The following GKAP1 variants were observed in gnomAD, a reference collection of about 807,000 sequenced individuals.
GKAP1 encodes G kinase-anchoring protein 1.
Under a neutral mutation model 56.7 loss-of-function variants are expected in GKAP1, and 31 were observed. The ratio of observed to expected loss-of-function variants is 0.55; its 90% confidence interval spans 0.41 to 0.74. The LOEUF (loss-of-function observed/expected upper bound fraction) is 0.74, where lower values mean the gene tolerates loss of function less well. Ranked by LOEUF, GKAP1 falls within the 30% of genes least tolerant of loss-of-function variation. The pLI is 0.00. For synonymous variants in GKAP1, 151 were observed against 138.6 expected, an observed-to-expected ratio of 1.09 and a Z score of -0.63; for missense variants, 364 against 402.3, an observed-to-expected ratio of 0.90 and a Z score of 0.82.
rs1944521983 is a variant in GKAP1, at chr9:83,812,334, T to C, written c.-44+4662A>G. On this transcript the variant is annotated intron_variant, in intron 2 of 12. Coordinates refer to ENST00000376371, the MANE Select transcript of GKAP1 (RefSeq NM_025211.4). ...ATATATATGTATATATACACACGTA[T>C]ATATATACACGTATATATATATATA... 4.1e-5 allele frequency among the ~76,000 whole-genome samples: 6 copies of C among 148,118 alleles called. No homozygotes were observed. The South Asian group carries it at 1.1e-3, about 26-fold the overall frequency.
chr9:83,745,652 G>A (rs1943280803), intron 10 of GKAP1, among the ~76,000 whole-genome samples: 1 of 152,080 alleles, frequency 6.6e-6, no homozygotes, highest in South Asian at 2.1e-4. Flanking sequence ...TCTGCACTTA[G>A]AAATATATCT....
At chr9:83,758,971 T>C (rs550374536) in intron 8 of GKAP1, among the ~76,000 whole-genome samples, 110 of 152,322 alleles carry the variant, frequency 7.2e-4, no homozygotes, top group African/African-American at 2.5e-3. Context: ...TTCTCTCCTT[T>C]ACACTTAATG....
intron 9 of GKAP1, chr9:83,748,775 C>T (rs1237911868): frequency 6.6e-6 from 1 of 152,652 alleles, no homozygotes; most frequent in Non-Finnish European, 1.5e-5. Flanking sequence ...TCTACATCTG[C>T]TCTGTATTTG....
chr9:83,796,136 T>TACA (rs1163475067), intron 4 of GKAP1, among the ~76,000 whole-genome samples: 1 of 152,154 alleles, frequency 6.6e-6, no homozygotes, highest in Non-Finnish European at 1.5e-5. Flanking sequence ...CTCACTATGT[T>TACA]GCCCAGGCCA....
intron 3 of GKAP1, among the ~76,000 whole-genome samples, chr9:83,802,928 T>C (rs142615976): frequency 6.6e-5 from 10 of 151,970 alleles, no homozygotes; most frequent in African/African-American, 2.4e-4. Flanking sequence ...AGCAACATGA[T>C]GAAACCCTGT....
In GKAP1 at chr9:83,806,482, G is replaced by A. The variant is rs750243459; in HGVS notation, c.36C>T (p.Thr12=). 8.7e-6 allele frequency: 14 copies of A among 1,613,930 alleles called. No individual in the cohort carries two copies. The highest frequency in any genetic ancestry group is 1.1e-5 in the South Asian group (1 of 91,068). ...CTTGTAACAGGGCAAAACGAGAAGC[G>A]GTGGTGGGAACAGAACTAAGTACTG... is the stretch of plus-strand genomic sequence containing the variant. The part of the protein sequence containing the change: ...ASAVLSSVPT[T]ASRFALLQVD... Residue 12 remains threonine, a synonymous_variant, in exon 3 of 13, where the codon ACC becomes ACT. Transcript: ENST00000376371.
intron 8 of GKAP1, among the ~76,000 whole-genome samples, chr9:83,753,880 C>T (rs367817763): frequency 1.3e-5 from 2 of 152,054 alleles, no homozygotes; most frequent in African/African-American, 4.8e-5. Context: ...TCGAAAATGA[C>T]ACAGAACAAA....
intron 8 of GKAP1, among the ~76,000 whole-genome samples, chr9:83,767,761 CA>C (rs1943688639): frequency 6.6e-6 from 1 of 152,198 alleles, no homozygotes; most frequent in Non-Finnish European, 1.5e-5. Context: ...CATCTTGGCT[CA>C]CTGCAACCCC....
chr9:83,748,428 G>T, intron 9 of GKAP1, 56 bp from the exon 10 acceptor site: 2 of 973,094 alleles, frequency 2.1e-6, no homozygotes, highest in South Asian at 1.5e-5. Context: ...TATAATTAAT[G>T]ATTTACTGTC....
intron 4 of GKAP1, among the ~76,000 whole-genome samples, chr9:83,789,946 CA>C (rs768421263): frequency 1.2e-4 from 18 of 152,160 alleles, no homozygotes; most frequent in Non-Finnish European, 2.4e-4. Context: ...CTAAGTTAAT[CA>C]TAATTGTTTC....
intron 2 of GKAP1, among the ~76,000 whole-genome samples, chr9:83,810,734 A>T (rs1311141140): frequency 1.3e-5 from 2 of 152,258 alleles, no homozygotes; most frequent in African/African-American, 4.8e-5. Context: ...TAAAGACTGA[A>T]TAAGTTAATA....
rs2131339461 is a variant in GKAP1, at chr9:83,817,607, T to C, written c.-266A>G. ...GCTCCCCGGGCGGCCGCACTGGGCG[T>C]TGGGACTGGTCTGGGTCAAGTGTCG... is the stretch of plus-strand genomic sequence containing the variant. On this transcript the variant is annotated 5_prime_UTR_variant, in exon 1 of 13. Transcript: ENST00000376371. 1 of 150,470 alleles carries C rather than the reference T, an allele frequency of 6.6e-6. No homozygotes were observed. Among genetic ancestry groups the C allele is most frequent in the African/African-American group, 2.4e-5 (1 of 41,054 alleles). 9.3% of individuals were successfully genotyped at this position (150,470 alleles called of 1,614,324 possible). A position where few individuals can be genotyped will look rare whatever the true frequency, so the allele number is the denominator to read the frequency against.
chr9:83,741,973 T>C lies in GKAP1; in HGVS notation c.1032A>G (p.Gln344=). Residue 344 remains glutamine, a synonymous_variant, in exon 12 of 13, where the codon CAA becomes CAG. Transcript: ENST00000376371. ...ATACCTGGTATTTGGCTAACTCTGC[T>C]TGTAATACTTTCACTTTAGATCTTT... ...EQERSKVKVL[Q]AELAKYQGGR... 2 of 1,592,618 alleles carry C rather than the reference T, an allele frequency of 1.3e-6. No individual in the cohort carries two copies. Among genetic ancestry groups the C allele is most frequent in the African/African-American group, 1.4e-5 (1 of 73,844 alleles).
chr9:83,806,635 T>A (rs1043286962), intron 2 of GKAP1, 75 bp from the exon 3 acceptor site: 13 of 798,126 alleles, frequency 1.6e-5, no homozygotes, highest in Non-Finnish European at 2.4e-5. Context: ...AAAACAACCA[T>A]ATGTAGATAA....
intron 7 of GKAP1, among the ~76,000 whole-genome samples, chr9:83,779,056 G>C (rs1214923234): frequency 6.6e-6 from 1 of 151,858 alleles, no homozygotes; most frequent in African/African-American, 2.4e-5. Context: ...CTTAGGAGCA[G>C]GTACACCATG....
At chr9:83,775,381 C>T (rs914648813) in intron 7 of GKAP1, among the ~76,000 whole-genome samples, 1 of 152,016 alleles carries the variant, frequency 6.6e-6, no homozygotes, top group Non-Finnish European at 1.5e-5. Context: ...GTTCCTTTTA[C>T]TGGAGAATGG....
At chr9:83,750,058 A>C (rs1943362513) in intron 9 of GKAP1, among the ~76,000 whole-genome samples, 1 of 152,140 alleles carries the variant, frequency 6.6e-6, no homozygotes, top group Admixed American at 6.6e-5. Context: ...ACCAAACTCT[A>C]TCTCTGGCTC....
chr9:83,816,498 T>C (rs1488004102), intron 2 of GKAP1, among the ~76,000 whole-genome samples: 3 of 152,234 alleles, frequency 2.0e-5, no homozygotes, highest in Non-Finnish European at 2.9e-5. Flanking sequence ...TACTCCAGAA[T>C]TGAAGCTACT....
chr9:83,793,535 T>G (rs1944197336), intron 4 of GKAP1, among the ~76,000 whole-genome samples: 2 of 152,256 alleles, frequency 1.3e-5, no homozygotes, highest in Non-Finnish European at 1.5e-5. Flanking sequence ...TGTATTTTTA[T>G]GTCTTCTGAG....
Sources: gnomAD v4.1 joint callset for allele counts (sites outside exome capture counted in the v4.1 genomes callset) on GRCh38, gnomAD v4.1.1 for gene constraint, MANE v1.5 for transcripts, NCBI Gene and HGNC (gene_info 2026-07-23, HGNC 2026-07-21) for gene names.